Variants in USH2A observed in about 807,000 individuals in gnomAD.
USH2A encodes the protein usherin.
Under a neutral mutation model 538.9 loss-of-function variants are expected in USH2A, and 443 were observed. The observed-to-expected ratio is 0.82, with a 90% CI of 0.76 to 0.89. The LOEUF is 0.89. USH2A is among the 40% of genes least tolerant of loss of function. The pLI, the probability that USH2A is intolerant of heterozygous loss-of-function variation, is 0.00. For missense variants in USH2A, 6,633 were observed against 6,324.8 expected (o/e 1.05, Z -1.65); for synonymous variants, 2,413 against 2,273.5 (o/e 1.06, Z -1.75).
chr1:215,952,320 T>C (rs1304512664), intron 37 of USH2A, among the ~76,000 whole-genome samples: 1 of 152,266 alleles, frequency 6.6e-6, no homozygotes, highest in Non-Finnish European at 1.5e-5. Context: ...CTGATGGGTC[T>C]GAATCTTTAT....
At chr1:216,324,978 G>T in intron 6 of USH2A, among the ~76,000 whole-genome samples, 1 of 152,104 alleles carries the variant, frequency 6.6e-6, no homozygotes, top group East Asian at 1.9e-4. Flanking sequence ...GGGTCTAATA[G>T]GGTGGGCCTT....
At chr1:215,694,125 T>C (rs1373860972) in intron 61 of USH2A, among the ~76,000 whole-genome samples, 2 of 152,192 alleles carry the variant, frequency 1.3e-5, no homozygotes, top group Non-Finnish European at 2.9e-5. Context: ...AACTGTCTGA[T>C]TTTGTTGTTG....
chr1:216,200,058 G>A lies in USH2A; in HGVS notation c.3380C>T (p.Thr1127Ile). 1.9e-6 allele frequency: 3 copies of A among 1,613,438 alleles called. No individual in the cohort carries two copies. The highest frequency in any genetic ancestry group is 2.5e-6 in the Non-Finnish European group (3 of 1,179,754). The part of the protein sequence containing the change: ...PYTKYSYYIE[T>I]TNVHGSTRSV... ...CCTTGTTGAACCATGCACATTGGTG[G>A]TCTCAATGTAATAGGAATATTTGGT... The change falls in exon 17 of 72, where the codon ACC becomes ATC. Residue 1127 changes from threonine (T) to isoleucine (I), a missense_variant. Coordinates refer to ENST00000307340, the MANE Select transcript of USH2A (RefSeq NM_206933.4).
intron 4 of USH2A, among the ~76,000 whole-genome samples, chr1:216,359,423 T>C (rs2038449236): frequency 6.6e-6 from 1 of 152,062 alleles, no homozygotes; most frequent in East Asian, 1.9e-4. Flanking sequence ...TAAACCACCA[T>C]TTAATAGATT....
chr1:215,711,720 T>C (rs1300556246), intron 61 of USH2A, among the ~76,000 whole-genome samples: 1 of 152,196 alleles, frequency 6.6e-6, no homozygotes, highest in African/African-American at 2.4e-5. Context: ...CATATACTGT[T>C]AATTGGCCAC....
intron 66 of USH2A, 120 bp from the exon 67 acceptor site, chr1:215,647,850 T>A: frequency 8.4e-7 from 1 of 1,185,962 alleles, no homozygotes; most frequent in Non-Finnish European, 1.2e-6. Context: ...ACAGGCTCTT[T>A]AAAATTTCCA....
chr1:216,097,840 G>C (rs1268047073), intron 21 of USH2A, among the ~76,000 whole-genome samples: 2 of 152,164 alleles, frequency 1.3e-5, no homozygotes, highest in Non-Finnish European at 2.9e-5. Flanking sequence ...GGGGCAATAT[G>C]CAACAGCCCT....
At chr1:215,975,004 T>C (rs1005620698) in intron 35 of USH2A, among the ~76,000 whole-genome samples, 5 of 152,168 alleles carry the variant, frequency 3.3e-5, no homozygotes, top group Admixed American at 1.3e-4. Context: ...CAGCATCTGT[T>C]GTTTTTTGAC....
At position 216,415,453 on chromosome 1, in the gene USH2A, A is replaced by T. The variant is rs919791858; in HGVS notation, c.651+3061T>A. Among the ~76,000 whole-genome samples the T allele has an allele frequency of 6.6e-5, 10 of 151,540 alleles. No homozygotes were observed. In the South Asian group the frequency reaches 1.5e-3, roughly 22 times the overall value. On this transcript the variant is annotated intron_variant, in intron 3 of 71. Transcript: ENST00000307340. Reference sequence around the variant, plus strand: ...ATAAATTTTATTCTTAAGACTACAGAGTAGCATAACCTAAATCAGATTTCC... The same window carrying T: ...ATAAATTTTATTCTTAAGACTACAGTGTAGCATAACCTAAATCAGATTTCC...
chr1:216,345,511 G>A (rs2038157755), intron 4 of USH2A, among the ~76,000 whole-genome samples: 1 of 152,134 alleles, frequency 6.6e-6, no homozygotes. Context: ...TCTTACCAGT[G>A]AGACTTCTGT....
Position 216,237,575 on chromosome 1 carries a change from G to A in USH2A, c.2810-5439C>T, listed in dbSNP as rs2035854118. On this transcript the variant is annotated intron_variant, in intron 13 of 71. Coordinates refer to ENST00000307340, the MANE Select transcript of USH2A (RefSeq NM_206933.4). Reference sequence around the variant, plus strand: ...TACATTCTGGAGTCAGATGGACCTGGACTTATAAATGGCTCTTCTACTTAA... The same window carrying A: ...TACATTCTGGAGTCAGATGGACCTGAACTTATAAATGGCTCTTCTACTTAA... 2.0e-5 allele frequency among the ~76,000 whole-genome samples: 3 copies of A among 151,440 alleles called. No individual in the cohort carries two copies. The South Asian group carries it at 6.3e-4, about 32-fold the overall frequency.
chr1:215,873,107 T>C (rs1043030592), intron 43 of USH2A, among the ~76,000 whole-genome samples: 2 of 151,946 alleles, frequency 1.3e-5, no homozygotes, highest in African/African-American at 4.8e-5. Context: ...AAGGACATCG[T>C]GTAGGGCATG....
intron 48 of USH2A, 55 bp from the exon 49 acceptor site, chr1:215,813,959 C>T (rs1036935887): frequency 1.9e-6 from 3 of 1,550,346 alleles, no homozygotes; most frequent in Non-Finnish European, 1.8e-6. Context: ...GAGTGTTATA[C>T]CACTGTATCT....
chr1:216,004,519 T>C (rs1381204799), intron 32 of USH2A, among the ~76,000 whole-genome samples: 1 of 152,170 alleles, frequency 6.6e-6, no homozygotes, highest in Non-Finnish European at 1.5e-5. Flanking sequence ...ATTGCACAAT[T>C]GAAGTTTCAG....
At chr1:215,866,643 T>C (rs915921555) in intron 44 of USH2A, among the ~76,000 whole-genome samples, 1 of 152,188 alleles carries the variant, frequency 6.6e-6, no homozygotes, top group Non-Finnish European at 1.5e-5. Context: ...AATTAATACA[T>C]GGACATGTCT....
intron 21 of USH2A, among the ~76,000 whole-genome samples, chr1:216,156,295 C>CTTTTTTTTTTTTTTTTTTTTTTCTTT (rs35698520): frequency 9.5e-6 from 1 of 105,526 alleles, no homozygotes; most frequent in African/African-American, 3.6e-5. Flanking sequence ...TTTTTTTTTT[C>CTTTTTTTTTTTTTTTTTTTTTTCTTT]TTTTTTTTTT....
In USH2A at chr1:215,674,197, G is replaced by A. The variant is rs758122542; in HGVS notation, c.13714C>T (p.Leu4572=). ...IINYTLFIRE[L]FERETKIIHI... ...ATGATTTTAGTTTCTCTTTCAAATA[G>A]TTCACGGATGAAGAGGGTATAATTG... The change falls in exon 63 of 72, where the codon CTA becomes TTA. Residue 4572 remains leucine (L), a synonymous_variant. Coordinates refer to ENST00000307340, the MANE Select transcript of USH2A (RefSeq NM_206933.4). 1.9e-6 allele frequency: 3 copies of A among 1,614,014 alleles called. No individual in the cohort carries two copies. Among genetic ancestry groups the A allele is most frequent in the Admixed American group, 1.7e-5 (1 of 60,002 alleles).
intron 37 of USH2A, among the ~76,000 whole-genome samples, chr1:215,962,385 T>C (rs981139395): frequency 7.9e-5 from 12 of 152,032 alleles, no homozygotes; most frequent in Admixed American, 7.9e-4. Flanking sequence ...TTTGAAATAA[T>C]AAAAGATTAG....
chr1:216,337,980 T>C (rs2038005199), intron 4 of USH2A, among the ~76,000 whole-genome samples: 1 of 151,312 alleles, frequency 6.6e-6, no homozygotes, highest in Non-Finnish European at 1.5e-5. Context: ...GTTATGAGTA[T>C]TTTATTTATA....
Sources: gnomAD v4.1 joint callset for allele counts (sites outside exome capture counted in the v4.1 genomes callset) on GRCh38, gnomAD v4.1.1 for gene constraint, MANE v1.5 for transcripts, NCBI Gene and HGNC (gene_info 2026-07-23, HGNC 2026-07-21) for gene names.